The following SLC44A5 variants were observed in gnomAD, a reference collection of about 807,000 sequenced individuals.
SLC44A5 encodes choline transporter-like protein 5.
In SLC44A5, 57 loss-of-function variants were observed where a neutral mutation model predicts 101.8. The ratio of observed to expected loss-of-function variants is 0.56; its 90% CI spans 0.45 to 0.70. The LOEUF (loss-of-function observed/expected upper bound fraction) is 0.70. Ranked by LOEUF, SLC44A5 falls within the 30% of genes least tolerant of loss-of-function variation. The probability of loss-of-function intolerance (pLI) is 0.00; values close to 1 mark genes in which losing one functional copy is unlikely to be tolerated. For missense variants in SLC44A5, 737 were observed against 853.1 expected (o/e 0.86, Z 1.70); for synonymous variants, 281 against 290.9 (o/e 0.97, Z 0.35).
At chr1:75,465,636 T>C (rs1301195550) in intron 2 of SLC44A5, among the ~76,000 whole-genome samples, 3 of 151,556 alleles carry the variant, frequency 2.0e-5, no homozygotes, top group African/African-American at 7.3e-5. Flanking sequence ...CAAACCTTTA[T>C]CCAGACTAAG....
At chr1:75,481,297 A>G (rs1178428749) in intron 2 of SLC44A5, among the ~76,000 whole-genome samples, 2 of 152,210 alleles carry the variant, frequency 1.3e-5, no homozygotes, top group Non-Finnish European at 2.9e-5. Context: ...AAACCATAAA[A>G]CCCCTAGAAG....
chr1:75,609,223 A>G (rs1675508322), intron 1 of SLC44A5, among the ~76,000 whole-genome samples: 1 of 151,798 alleles, frequency 6.6e-6, no homozygotes, highest in Non-Finnish European at 1.5e-5. Flanking sequence ...TGGGAGGAGG[A>G]AGGGATTCTT....
chr1:75,227,835 C>T lies in SLC44A5; in HGVS notation c.876G>A (p.Gln292=), dbSNP rs777579952. Residue 292 remains glutamine (Q), a synonymous_variant, in exon 13 of 24, where the codon CAG becomes CAA. Coordinates refer to ENST00000370859, the MANE Select transcript of SLC44A5 (RefSeq NM_001130058.2). ...IGYGIWHCYQ[Q]YTNLQERPSS... ...TTGGGCGTTCCTGAAGATTGGTGTA[C>T]TGCTGGTAACAGTGCCATATTCCTT... 10 of 1,589,294 alleles carry T rather than the reference C, an allele frequency of 6.3e-6. No individual in the cohort carries two copies. The Admixed American group carries it at 1.5e-4, about 24-fold the overall frequency.
At chr1:75,572,980 G>A (rs1673155699) in intron 1 of SLC44A5, among the ~76,000 whole-genome samples, 1 of 151,582 alleles carries the variant, frequency 6.6e-6, no homozygotes, top group Admixed American at 6.6e-5. Flanking sequence ...AAAATTAGCT[G>A]GGCATAGTGG....
At chr1:75,681,939 T>C in the SLC44A5 span, among the ~76,000 whole-genome samples, 2 of 152,220 alleles carry the variant, frequency 1.3e-5, no homozygotes, top group South Asian at 4.2e-4. Context: ...TGTGCAAAAA[T>C]CACAAGCATT....
intron 1 of SLC44A5, among the ~76,000 whole-genome samples, chr1:75,603,753 G>GTTTTTTTTTTTTTTTTTTTTTT (rs57844833): frequency 1.8e-5 from 1 of 54,086 alleles, no homozygotes; most frequent in African/African-American, 9.2e-5. Flanking sequence ...ATTTTTTCAT[G>GTTTTTTTTTTTTTTTTTTTTTT]TTTTTTTTTT....
At chr1:75,506,231 C>T (rs548783035) in intron 2 of SLC44A5, among the ~76,000 whole-genome samples, 2 of 152,096 alleles carry the variant, frequency 1.3e-5, no homozygotes, top group South Asian at 2.1e-4. Flanking sequence ...TGTACCAGTA[C>T]GATGTTGTTT....
chr1:75,531,106 C>A (rs1176591443), intron 2 of SLC44A5, among the ~76,000 whole-genome samples: 2 of 152,138 alleles, frequency 1.3e-5, no homozygotes, highest in African/African-American at 4.8e-5. Context: ...CCCCAGATTG[C>A]CTTTCATGAG....
intron 2 of SLC44A5, among the ~76,000 whole-genome samples, chr1:75,448,962 C>T (rs1304065402): frequency 2.6e-5 from 4 of 152,148 alleles, no homozygotes; most frequent in Non-Finnish European, 4.4e-5. Context: ...ATCACATTTG[C>T]CTTCTCTTTC....
At chr1:75,477,953 G>T (rs1667541715) in intron 2 of SLC44A5, among the ~76,000 whole-genome samples, 2 of 152,032 alleles carry the variant, frequency 1.3e-5, no homozygotes, top group African/African-American at 4.8e-5. Flanking sequence ...ATAATTGTCA[G>T]ATTCACCAAA....
chr1:75,424,453 G>A (rs949592005), intron 2 of SLC44A5, among the ~76,000 whole-genome samples: 1 of 152,210 alleles, frequency 6.6e-6, no homozygotes, highest in East Asian at 1.9e-4. Context: ...CTACAGGCAC[G>A]TGCCACTGCG....
chr1:75,393,967 G>A (rs1661962599), intron 3 of SLC44A5, among the ~76,000 whole-genome samples: 1 of 152,138 alleles, frequency 6.6e-6, no homozygotes, highest in South Asian at 2.1e-4. Context: ...GGGCAAGAAA[G>A]AGCAATCAGG....
chr1:75,417,729 A>G (rs1663746106), intron 2 of SLC44A5, among the ~76,000 whole-genome samples: 1 of 152,240 alleles, frequency 6.6e-6, no homozygotes, highest in Non-Finnish European at 1.5e-5. Context: ...GACAATCTAC[A>G]GGCAAGGGTA....
chr1:75,502,359 A>G (rs1416530799), intron 2 of SLC44A5, among the ~76,000 whole-genome samples: 1 of 152,192 alleles, frequency 6.6e-6, no homozygotes, highest in Non-Finnish European at 1.5e-5. Flanking sequence ...AAGGACAGAA[A>G]AACATTTTTG....
intron 2 of SLC44A5, among the ~76,000 whole-genome samples, chr1:75,444,474 A>AAAG (rs1421731613): frequency 1.9e-4 from 15 of 80,002 alleles, no homozygotes; most frequent in Admixed American, 4.1e-4. Context: ...AAAAAGAAAG[A>AAAG]GAAAGAAAGA....
At chr1:75,295,710 A>C (rs1027996238) in intron 5 of SLC44A5, among the ~76,000 whole-genome samples, 1 of 152,302 alleles carries the variant, frequency 6.6e-6, no homozygotes, top group South Asian at 2.1e-4. Context: ...GAGCCACTAC[A>C]GTAGTGGGAA....
chr1:75,218,754 T>C lies in SLC44A5; in HGVS notation c.1267-2A>G. The C allele has an allele frequency of 6.2e-7, 1 of 1,606,598 alleles. No individual in the cohort carries two copies. Among genetic ancestry groups the C allele is most frequent in the Non-Finnish European group, 8.5e-7 (1 of 1,176,986 alleles). ...GGCAATTTCAGTTGTATTAAAAATC[T>C]GCATTGAGAAAAAGGAACACAAGGA... On this transcript the variant is annotated splice_acceptor_variant, in intron 16 of 23. Transcript: ENST00000370859. LOFTEE classifies it high-confidence loss of function.
chr1:75,651,696 CA>C, the SLC44A5 span, among the ~76,000 whole-genome samples: 8,248 of 70,032 alleles, frequency 0.12, 526 homozygotes, highest in African/African-American at 0.33. Context: ...GACTCTGTCT[CA>C]AAAAAAAAAA....
At chr1:75,652,154 G>A in the SLC44A5 span, among the ~76,000 whole-genome samples, 1 of 152,146 alleles carries the variant, frequency 6.6e-6, no homozygotes, top group East Asian at 1.9e-4. Flanking sequence ...CACTGTACAT[G>A]CAGCCCCTCC....
Sources: allele counts gnomAD v4.1 joint callset (sites outside exome capture counted in the v4.1 genomes callset), GRCh38; gene constraint gnomAD v4.1.1; transcripts MANE v1.5; gene names NCBI Gene and HGNC (gene_info 2026-07-23, HGNC 2026-07-21).